The following SPATS2L variants were observed in gnomAD, a reference collection of about 807,000 sequenced individuals.
The protein encoded by SPATS2L is SPATS2-like protein.
Under a neutral mutation model 59.6 loss-of-function variants are expected in SPATS2L, and 30 were observed. The ratio of observed to expected loss-of-function variants is 0.50; its 90% CI spans 0.38 to 0.68. SPATS2L has a LOEUF of 0.68. Ranked by LOEUF, SPATS2L falls within the 30% of genes least tolerant of loss-of-function variation. SPATS2L has a pLI of 0.00. For missense variants in SPATS2L, 615 were observed against 700.0 expected (o/e 0.88, Z 1.37); for synonymous variants, 252 against 263.5 (o/e 0.96, Z 0.42).
At chr2:200,399,006 A>G (rs895267119) in intron 3 of SPATS2L, among the ~76,000 whole-genome samples, 3 of 152,206 alleles carry the variant, frequency 2.0e-5, no homozygotes, top group Admixed American at 2.0e-4. Flanking sequence ...GGTAATTATC[A>G]AAAATATATT....
At chr2:200,462,794 C>A (rs1281056353) in intron 9 of SPATS2L, among the ~76,000 whole-genome samples, 1 of 152,088 alleles carries the variant, frequency 6.6e-6, no homozygotes, top group Non-Finnish European at 1.5e-5. Flanking sequence ...CGTGTGGTGG[C>A]ATGTGCCCAT....
chr2:200,346,472 A>G (rs2080516745), intron 2 of SPATS2L, among the ~76,000 whole-genome samples: 1 of 152,128 alleles, frequency 6.6e-6, no homozygotes, highest in Non-Finnish European at 1.5e-5. Flanking sequence ...CTCAAGACCA[A>G]AGGCAGAGTG....
At chr2:200,367,174 A>G (rs1241430049) in intron 2 of SPATS2L, among the ~76,000 whole-genome samples, 3 of 152,238 alleles carry the variant, frequency 2.0e-5, no homozygotes, top group Non-Finnish European at 4.4e-5. Flanking sequence ...CTTGCCCTGT[A>G]CAGAATTTCT....
At chr2:200,320,976 A>C (rs575505996) in intron 1 of SPATS2L, among the ~76,000 whole-genome samples, 3 of 152,190 alleles carry the variant, frequency 2.0e-5, no homozygotes, top group Non-Finnish European at 4.4e-5. Context: ...TTTTCAGAGT[A>C]CTTTCATGCA....
chr2:200,355,774 A>G (rs1485984716), intron 2 of SPATS2L, among the ~76,000 whole-genome samples: 1 of 152,254 alleles, frequency 6.6e-6, no homozygotes, highest in Non-Finnish European at 1.5e-5. Flanking sequence ...AGAAGACAGA[A>G]TATAATTCAG....
chr2:200,431,341 G>C (rs1407205980), intron 6 of SPATS2L, among the ~76,000 whole-genome samples: 1 of 152,170 alleles, frequency 6.6e-6, no homozygotes, highest in Non-Finnish European at 1.5e-5. Context: ...CAGGTATCAA[G>C]TATCATAAAA....
At chr2:200,415,607 A>C (rs964133409) in intron 4 of SPATS2L, among the ~76,000 whole-genome samples, 2 of 152,146 alleles carry the variant, frequency 1.3e-5, no homozygotes, top group African/African-American at 2.4e-5. Context: ...TAGACTATGG[A>C]GAAACATGGA....
intron 2 of SPATS2L, among the ~76,000 whole-genome samples, chr2:200,339,937 G>A (rs1411656286): frequency 6.6e-6 from 1 of 152,070 alleles, no homozygotes; most frequent in African/African-American, 2.4e-5. Flanking sequence ...TGCAACCTTT[G>A]TGTCGGGGGT....
chr2:200,349,491 A>G (rs2080642958), intron 2 of SPATS2L, among the ~76,000 whole-genome samples: 1 of 152,224 alleles, frequency 6.6e-6, no homozygotes, highest in Non-Finnish European at 1.5e-5. Context: ...CAAAAAAATT[A>G]GCCGAATGTG....
At chr2:200,375,582 G>A (rs12990174) in intron 2 of SPATS2L, among the ~76,000 whole-genome samples, 52,644 of 152,024 alleles carry the variant, frequency 0.35, 9,923 homozygotes, top group East Asian at 0.55. Flanking sequence ...AGAGTGGATT[G>A]GAAGGTGTGT....
chr2:200,358,281 C>G (rs1230618278), intron 2 of SPATS2L, among the ~76,000 whole-genome samples: 1 of 152,192 alleles, frequency 6.6e-6, no homozygotes. Context: ...ATGAACTGTA[C>G]AAATGCAGGC....
In SPATS2L at chr2:200,451,185, GT is replaced by G. The variant is rs368970665; in HGVS notation, c.789-8583del. ...AAAATATAAAAATTAGCTGGGTATG[GT>G]GGTGTAGATCTCCAGTCCCAGCTAC... is the stretch of plus-strand genomic sequence containing the variant. On this transcript the variant is annotated intron_variant, in intron 8 of 12. Transcript: ENST00000409140. Among the ~76,000 whole-genome samples the G allele has an allele frequency of 8.5e-3, 1,293 of 151,954 alleles. 16 individuals are homozygous for G. The highest frequency in any genetic ancestry group is 0.029 in the African/African-American group (1,195 of 41,436).
Position 200,477,807 on chromosome 2 carries a change from G to T in SPATS2L, c.1453G>T (p.Gly485Cys). 6.3e-7 allele frequency: 1 copy of T among 1,575,166 alleles called. No homozygotes were observed. Among genetic ancestry groups the T allele is most frequent in the Non-Finnish European group, 8.6e-7 (1 of 1,160,400 alleles). The part of the protein sequence containing the change: ...PHNGFRPKNK[G>C]GAKNQEASLG... ...CAACGGCTTCCGGCCCAAAAACAAA[G>T]GCGGTGCCAAAAATCAAGAGGCTTC... The change falls in exon 13 of 13, where the codon GGC becomes TGC. Residue 485 changes from glycine (G) to cysteine (C), a missense_variant. By Grantham distance (159) the Gly-to-Cys change is radical. Coordinates refer to ENST00000409140, the MANE Select transcript of SPATS2L (RefSeq NM_001100423.2).
intron 8 of SPATS2L, among the ~76,000 whole-genome samples, chr2:200,445,867 GT>G (rs2085002727): frequency 1.3e-5 from 2 of 151,622 alleles, no homozygotes; most frequent in South Asian, 2.1e-4. Context: ...TGTCCTTTGG[GT>G]TTTTTATGTG....
At chr2:200,430,535 T>C (rs1216877185) in intron 6 of SPATS2L, among the ~76,000 whole-genome samples, 1 of 152,084 alleles carries the variant, frequency 6.6e-6, no homozygotes, top group East Asian at 1.9e-4. Flanking sequence ...TTTTTTTAAA[T>C]GATATTAAAC....
intron 2 of SPATS2L, among the ~76,000 whole-genome samples, chr2:200,341,893 T>TGTTA (rs1055455642): frequency 1.1e-4 from 16 of 152,150 alleles, no homozygotes; most frequent in African/African-American, 3.1e-4. Context: ...GGTTTCACCA[T>TGTTA]GTTAGCCAGG....
intron 9 of SPATS2L, among the ~76,000 whole-genome samples, chr2:200,462,314 G>A (rs549189304): frequency 6.6e-6 from 1 of 152,304 alleles, no homozygotes; most frequent in Admixed American, 6.5e-5. Context: ...CATCTCTGGA[G>A]AGCATCCCAT....
chr2:200,364,970 A>G (rs1042109600), intron 2 of SPATS2L, among the ~76,000 whole-genome samples: 4 of 152,206 alleles, frequency 2.6e-5, no homozygotes, highest in Non-Finnish European at 5.9e-5. Flanking sequence ...TGATTAAGAA[A>G]GTCTCTCTAA....
chr2:200,346,135 TA>T (rs2080504375), intron 2 of SPATS2L, among the ~76,000 whole-genome samples: 1 of 152,198 alleles, frequency 6.6e-6, no homozygotes, highest in African/African-American at 2.4e-5. Flanking sequence ...CTCCTCCCTT[TA>T]AAAATATAAT....
Sources: allele counts gnomAD v4.1 joint callset (sites outside exome capture counted in the v4.1 genomes callset), GRCh38; gene constraint gnomAD v4.1.1; transcripts MANE v1.5; gene names NCBI Gene and HGNC (gene_info 2026-07-23, HGNC 2026-07-21).